The following AGTPBP1 variants were observed in gnomAD, a reference collection of about 807,000 sequenced individuals.
AGTPBP1 encodes ATP/GTP binding carboxypeptidase 1.
A neutral mutation model predicts 143.9 loss-of-function variants in AGTPBP1; 70 were observed. The observed-to-expected ratio is 0.49, with a 90% CI of 0.40 to 0.59. AGTPBP1 has a LOEUF of 0.59. Ranked by LOEUF, AGTPBP1 falls within the 20% of genes least tolerant of loss-of-function variation. The pLI is 0.00. For synonymous variants in AGTPBP1, 463 were observed against 500.2 expected, an observed-to-expected ratio of 0.93 and a Z score of 0.99; for missense variants, 1,229 against 1,464.5, an observed-to-expected ratio of 0.84 and a Z score of 2.62.
At chr9:85,760,433 G>T in the AGTPBP1 span, among the ~76,000 whole-genome samples, 1 of 152,194 alleles carries the variant, frequency 6.6e-6, no homozygotes, top group South Asian at 2.1e-4. Context: ...GATCATGTGG[G>T]CTTCATCCCT....
the AGTPBP1 span, among the ~76,000 whole-genome samples, chr9:85,798,362 C>CTT: frequency 1.8e-4 from 21 of 119,288 alleles, no homozygotes; most frequent in African/African-American, 5.9e-4. Context: ...CCTCCAAGTT[C>CTT]TTTTTTTTTT....
At chr9:85,595,644 A>G (rs943661412) in intron 18 of AGTPBP1, among the ~76,000 whole-genome samples, 2 of 152,064 alleles carry the variant, frequency 1.3e-5, no homozygotes, top group Middle Eastern at 3.2e-3. Context: ...CTCTTCCCTC[A>G]GCCTCCTGAG....
At chr9:85,702,515 A>G (rs974435731) in intron 2 of AGTPBP1, among the ~76,000 whole-genome samples, 27 of 149,030 alleles carry the variant, frequency 1.8e-4, no homozygotes, top group African/African-American at 6.4e-4. Flanking sequence ...TCATCTCTCA[A>G]TTTATCTGTT....
chr9:85,774,362 T>G, the AGTPBP1 span, among the ~76,000 whole-genome samples: 1 of 152,224 alleles, frequency 6.6e-6, no homozygotes, highest in Non-Finnish European at 1.5e-5. Flanking sequence ...TTGAATTTTT[T>G]TTTATTTCCC....
At chr9:85,678,793 A>C (rs1256421795) in intron 4 of AGTPBP1, among the ~76,000 whole-genome samples, 2 of 152,246 alleles carry the variant, frequency 1.3e-5, no homozygotes, top group East Asian at 3.8e-4. Context: ...GCCAAAGATA[A>C]TATGCACACA....
rs1356201737 is a variant in AGTPBP1, at chr9:85,741,325, G to A, written c.-34+450C>T. 6.1e-6 allele frequency: 6 copies of A among 985,310 alleles called. No individual in the cohort carries two copies. In the Admixed American group the frequency reaches 1.8e-4, roughly 30 times the overall value. 61.0% of individuals were successfully genotyped at this position (985,310 alleles called of 1,614,324 possible). On this transcript the variant is annotated intron_variant, in intron 1 of 25. Coordinates refer to ENST00000357081, the MANE Select transcript of AGTPBP1 (RefSeq NM_001330701.2). ...GAATTCTCGAAGCACAGGGGCCCGC[G>A]ATTCAGCGGCCCGCTACCACTGGGG...
intron 17 of AGTPBP1, among the ~76,000 whole-genome samples, chr9:85,613,468 G>A (rs1830436551): frequency 6.6e-6 from 1 of 151,968 alleles, no homozygotes; most frequent in South Asian, 2.1e-4. Context: ...ACATATTGCA[G>A]ATAGCACACA....
intron 1 of AGTPBP1, among the ~76,000 whole-genome samples, chr9:85,722,138 A>G (rs62570609): frequency 0.015 from 2,255 of 152,152 alleles, 25 homozygotes; most frequent in Middle Eastern, 0.037. Flanking sequence ...GAATCTGACA[A>G]TTATGTGTCT....
chr9:85,787,578 A>G, the AGTPBP1 span, among the ~76,000 whole-genome samples: 1 of 152,242 alleles, frequency 6.6e-6, no homozygotes, highest in African/African-American at 2.4e-5. Flanking sequence ...TCAAAATTTT[A>G]CTATATAATG....
intron 25 of AGTPBP1, among the ~76,000 whole-genome samples, chr9:85,560,838 G>C (rs528370405): frequency 1.9e-4 from 29 of 152,186 alleles, no homozygotes; most frequent in African/African-American, 6.7e-4. Flanking sequence ...AGACACAGAG[G>C]ATATAGTGAA....
At chr9:85,572,326 G>C (rs62566884) in intron 25 of AGTPBP1, among the ~76,000 whole-genome samples, 2,562 of 152,040 alleles carry the variant, frequency 0.017, 31 homozygotes, top group Middle Eastern at 0.054. Context: ...AGCCACTGCG[G>C]CTGGCTTGGT....
the AGTPBP1 span, among the ~76,000 whole-genome samples, chr9:85,766,128 C>CAAAA: frequency 5.4e-3 from 713 of 130,992 alleles, 8 homozygotes; most frequent in African/African-American, 0.019. Flanking sequence ...TAGAAGAAGC[C>CAAAA]AAAAAAAAAA....
the AGTPBP1 span, among the ~76,000 whole-genome samples, chr9:85,775,339 A>T: frequency 4.6e-5 from 7 of 151,588 alleles, no homozygotes; most frequent in Admixed American, 4.6e-4. Context: ...TCATTTCTAT[A>T]GCTGTACAAA....
the AGTPBP1 span, among the ~76,000 whole-genome samples, chr9:85,796,893 T>C: frequency 6.6e-6 from 1 of 152,108 alleles, no homozygotes; most frequent in Non-Finnish European, 1.5e-5. Context: ...TTCAAGCGAT[T>C]CTCCTGCCTC....
At chr9:85,607,479 T>A (rs559325129) in intron 17 of AGTPBP1, among the ~76,000 whole-genome samples, 3 of 152,248 alleles carry the variant, frequency 2.0e-5, no homozygotes, top group African/African-American at 7.2e-5. Context: ...TAAACCAGTC[T>A]ATTCAACCTG....
At position 85,741,921 on chromosome 9, in the gene AGTPBP1, A is replaced by AGCTGCGGCGGCG. The variant is rs1554747205; in HGVS notation, c.-192_-181dup. The AGCTGCGGCGGCG allele has an allele frequency of 1.4e-5, 18 of 1,310,704 alleles. No homozygotes were observed. In the East Asian group the frequency reaches 2.5e-4, roughly 18 times the overall value. The allele number at this position is 1,310,704 out of a possible 1,614,324, so 81.2% of individuals were successfully genotyped here. On this transcript the variant is annotated 5_prime_UTR_variant, in exon 1 of 26. Transcript: ENST00000357081. ...GCGAGGCGGAGGCGGCGGCGGCGGC[A>AGCTGCGGCGGCG]GCTGCGGCGGCGGCGCTGGAGGCGG...
At chr9:85,793,636 A>G in the AGTPBP1 span, among the ~76,000 whole-genome samples, 2 of 152,200 alleles carry the variant, frequency 1.3e-5, no homozygotes, top group African/African-American at 4.8e-5. Flanking sequence ...GAAGAATACT[A>G]ACATAGTTTT....
chr9:85,728,076 C>CACACACACATAT (rs1187459225), intron 1 of AGTPBP1, among the ~76,000 whole-genome samples: 2 of 144,110 alleles, frequency 1.4e-5, no homozygotes, highest in African/African-American at 5.2e-5. Flanking sequence ...CACACACACA[C>CACACACACATAT]ATATTTACTT....
chr9:85,600,649 G>A (rs113391828), intron 17 of AGTPBP1, among the ~76,000 whole-genome samples: 10 of 152,034 alleles, frequency 6.6e-5, no homozygotes, highest in Non-Finnish European at 1.2e-4. Context: ...TCCTAGCCAG[G>A]GGGGAGCCCT....
Sources: gnomAD v4.1 joint callset for allele counts (sites outside exome capture counted in the v4.1 genomes callset) on GRCh38, gnomAD v4.1.1 for gene constraint, MANE v1.5 for transcripts, NCBI Gene and HGNC (gene_info 2026-07-23, HGNC 2026-07-21) for gene names.